Variants in LINGO1 observed in about 807,000 individuals in gnomAD.
The protein encoded by LINGO1 is leucine rich repeat and Ig domain containing 1.
Under a neutral mutation model 37.3 loss-of-function variants are expected in LINGO1, and 11 were observed. The observed-to-expected ratio is 0.29, with a 90% CI of 0.19 to 0.49. The LOEUF is 0.49. Ranked by LOEUF, LINGO1 falls within the 20% of genes least tolerant of loss-of-function variation. LINGO1 has a pLI of 0.99. For synonymous variants in LINGO1, 387 were observed against 403.0 expected, an observed-to-expected ratio of 0.96 and a Z score of 0.48; for missense variants, 585 against 878.2, an observed-to-expected ratio of 0.67 and a Z score of 4.22.
chr15:77,711,883 AG>A (rs5813878), intron 2 of LINGO1, among the ~76,000 whole-genome samples: 1 of 150,392 alleles, frequency 6.6e-6, no homozygotes, highest in African/African-American at 2.4e-5. Context: ...CTCTCCTCTG[AG>A]GGGGGGGCAC....
chr15:77,714,023 C>A (rs769221059), intron 2 of LINGO1, among the ~76,000 whole-genome samples: 19 of 152,090 alleles, frequency 1.2e-4, no homozygotes, highest in Admixed American at 3.9e-4. Context: ...TTCCCACGTC[C>A]CCATCCCCTA....
intron 1 of LINGO1, among the ~76,000 whole-genome samples, chr15:77,809,500 G>C (rs541144010): frequency 2.6e-5 from 4 of 152,206 alleles, no homozygotes; most frequent in Non-Finnish European, 2.9e-5. Context: ...GTCCCTCTGG[G>C]ATCTAGCATA....
chr15:77,620,159 G>A (rs959763121), intron 1 of LINGO1, among the ~76,000 whole-genome samples: 2 of 152,238 alleles, frequency 1.3e-5, no homozygotes, highest in African/African-American at 4.8e-5. Context: ...GTCAAGAAAA[G>A]GTATTTTATG....
Position 77,615,918 on chromosome 15 carries a change from C to T in LINGO1, c.7-18G>A, listed in dbSNP as rs1453943576. 6.9e-7 allele frequency: 1 copy of T among 1,456,188 alleles called. No homozygotes were observed. The highest frequency in any genetic ancestry group is 2.4e-5 in the East Asian group (1 of 41,294). 90.2% of individuals were successfully genotyped at this position (1,456,188 alleles called of 1,614,324 possible). The stretch of plus-strand genomic sequence containing the variant: ...TTGCTCACCTGCAGCCGGGAGCAAG[C>T]ACAGGACAGAGGTGGCGGTTAGGGG... On this transcript the variant is annotated intron_variant, in intron 1 of 1. Coordinates refer to ENST00000355300, the MANE Select transcript of LINGO1 (RefSeq NM_032808.7).
rs1321103759 is a variant in LINGO1, at chr15:77,632,683, C to T, written c.-368G>A. 6.9e-6 allele frequency among the ~76,000 whole-genome samples: 1 copy of T among 145,272 alleles called. No individual in the cohort carries two copies. The highest frequency in any genetic ancestry group is 1.5e-5 in the Non-Finnish European group (1 of 65,528). On this transcript the variant is annotated 5_prime_UTR_variant, in exon 1 of 2. Coordinates refer to ENST00000355300, the MANE Select transcript of LINGO1 (RefSeq NM_032808.7). The surrounding 1 kb of genome is among the most constrained non-coding windows in gnomAD (Gnocchi z 6.0). ...CTGGGGCCGGGGTCGAGGCCGGGCG[C>T]GCTCCGCCGCGGGGCCGGGGCCGGC... is the stretch of plus-strand genomic sequence containing the variant.
At chr15:77,815,345 C>A (rs1384472924) in intron 1 of LINGO1, among the ~76,000 whole-genome samples, 1 of 146,712 alleles carries the variant, frequency 6.8e-6, no homozygotes, top group Non-Finnish European at 1.5e-5. Context: ...CCCAAGACTG[C>A]AGTGCCCACT....
In LINGO1 at chr15:77,632,153, CT is replaced by C. The variant is rs773082289; in HGVS notation, c.6+156del. ...AAAGGAAGAATTTTCATTTCTGAGG[CT>C]TGAGGGGAAATCAGGCCTATGACCC... On this transcript the variant is annotated intron_variant, in intron 1 of 1. Transcript: ENST00000355300. This position sits in a 1 kb window ranked among gnomAD's most constrained non-coding sequence, Gnocchi z 6.0. Among the ~76,000 whole-genome samples, 42 of 152,272 alleles carry C rather than the reference CT, an allele frequency of 2.8e-4. No homozygotes were observed. The highest frequency in any genetic ancestry group is 5.4e-4 in the Non-Finnish European group (37 of 67,998).
intron 2 of LINGO1, among the ~76,000 whole-genome samples, chr15:77,683,946 C>A (rs1423709655): frequency 6.6e-6 from 1 of 152,164 alleles, no homozygotes; most frequent in African/African-American, 2.4e-5. Context: ...CTCTGGGCAA[C>A]CCCAGCTCTG....
chr15:77,767,157 A>C (rs1358456023), intron 1 of LINGO1, among the ~76,000 whole-genome samples: 1 of 152,226 alleles, frequency 6.6e-6, no homozygotes, highest in Non-Finnish European at 1.5e-5. Context: ...GCACATAGTG[A>C]ATTATCAGAA....
At chr15:77,768,695 C>CT (rs1301430396) in intron 1 of LINGO1, among the ~76,000 whole-genome samples, 1 of 152,144 alleles carries the variant, frequency 6.6e-6, no homozygotes, top group African/African-American at 2.4e-5. Flanking sequence ...CCTCCCGACT[C>CT]TGTCTCTCTT....
At chr15:77,702,873 C>T (rs1596132097) in intron 2 of LINGO1, among the ~76,000 whole-genome samples, 1 of 152,342 alleles carries the variant, frequency 6.6e-6, no homozygotes, top group East Asian at 1.9e-4. Flanking sequence ...GCAGCTCTTG[C>T]TCCCTAATAC....
intron 1 of LINGO1, among the ~76,000 whole-genome samples, chr15:77,691,888 G>A (rs973985945): frequency 2.6e-5 from 4 of 152,210 alleles, no homozygotes; most frequent in East Asian, 3.9e-4. Context: ...CAGGATGTAC[G>A]AGGCCCACTC....
intron 2 of LINGO1, among the ~76,000 whole-genome samples, chr15:77,720,318 G>A (rs1032292781): frequency 1.7e-4 from 26 of 152,200 alleles, no homozygotes; most frequent in Non-Finnish European, 3.2e-4. Flanking sequence ...GCAGTGCCCC[G>A]GCCTGTCCCG....
chr15:77,681,464 A>C (rs547485085), intron 2 of LINGO1, among the ~76,000 whole-genome samples: 1 of 152,220 alleles, frequency 6.6e-6, no homozygotes, highest in East Asian at 1.9e-4. Context: ...TCAGGGAGGA[A>C]GGGGTTGTAG....
rs191230020 is a variant in LINGO1, at chr15:77,766,315, A to C, written c.-257+20554T>G. ...CCTGTCTCAAAAAAAAAAAAAAAAA[A>C]AACACACAAACAGAGAGAGAGAGAA... On this transcript the variant is annotated intron_variant, in intron 1 of 3. Transcript: ENST00000561686. Among the ~76,000 whole-genome samples, 754 of 146,334 alleles carry C rather than the reference A, an allele frequency of 5.2e-3. 5 individuals carry two copies. The highest frequency in any genetic ancestry group is 9.0e-3 in the Non-Finnish European group (609 of 67,376).
chr15:77,807,476 T>C (rs1242093361), intron 1 of LINGO1, among the ~76,000 whole-genome samples: 1 of 152,190 alleles, frequency 6.6e-6, no homozygotes, highest in African/African-American at 2.4e-5. Flanking sequence ...ACGGATGTGC[T>C]CAGGGAACCT....
chr15:77,790,682 G>A (rs991620663), upstream of LINGO1, among the ~76,000 whole-genome samples: 6 of 152,308 alleles, frequency 3.9e-5, no homozygotes, highest in South Asian at 2.1e-4. Flanking sequence ...TCCCCACCAC[G>A]TGCTGGGCCC....
chr15:77,801,299 A>C (rs2076916469), intron 1 of LINGO1, among the ~76,000 whole-genome samples: 1 of 152,260 alleles, frequency 6.6e-6, no homozygotes, highest in Non-Finnish European at 1.5e-5. Flanking sequence ...TTCAAATAAA[A>C]TATAGCATGT....
chr15:77,672,440 C>T (rs940889870), intron 3 of LINGO1, among the ~76,000 whole-genome samples: 1 of 152,186 alleles, frequency 6.6e-6, no homozygotes, highest in Non-Finnish European at 1.5e-5. Context: ...TTGGTCTTAA[C>T]AGGTTGCTTT....
Sources: gnomAD v4.1 joint callset for allele counts (sites outside exome capture counted in the v4.1 genomes callset) on GRCh38, gnomAD v4.1.1 for gene constraint, Gnocchi (gnomAD v3.1) non-coding constraint, MANE v1.5 for transcripts, NCBI Gene and HGNC (gene_info 2026-07-23, HGNC 2026-07-21) for gene names.